CEACAM1: variants seen among roughly 807,000 people sequenced by gnomAD.
CEACAM1 encodes the protein cell adhesion molecule CEACAM1.
CEACAM1 carries 31 observed loss-of-function variants against 49.1 expected under a neutral mutation model. The observed-to-expected ratio is 0.63, with a 90% CI of 0.47 to 0.85. The LOEUF (loss-of-function observed/expected upper bound fraction) is 0.85. CEACAM1 is among the 40% of genes least tolerant of loss of function. CEACAM1 has a pLI of 0.00. For synonymous variants in CEACAM1, 244 were observed against 247.8 expected (o/e 0.98, Z 0.14); for missense variants, 570 against 645.3 (o/e 0.88, Z 1.26).
At chr19:42,516,066 A>G (rs1482911806) in intron 5 of CEACAM1, among the ~76,000 whole-genome samples, 1 of 152,214 alleles carries the variant, frequency 6.6e-6, no homozygotes, top group African/African-American at 2.4e-5. Flanking sequence ...ACCCCCAGCT[A>G]CCATCATAGT....
intron 4 of CEACAM1, chr19:42,519,533 G>A: frequency 3.4e-6 from 1 of 292,460 alleles, no homozygotes; most frequent in Non-Finnish European, 6.4e-6. Flanking sequence ...CACAGACCGA[G>A]CAACCTCATC....
chr19:42,519,570 CT>C (rs34440555), intron 4 of CEACAM1: 4,449 of 168,234 alleles, frequency 0.026, no homozygotes, highest in South Asian at 0.074. Context: ...TTCCCACTGA[CT>C]TTTTTTTTTT....
chr19:42,527,447 A>T (rs898083402), intron 1 of CEACAM1, 47 bp from the exon 2 acceptor site: 1 of 1,538,178 alleles, frequency 6.5e-7, no homozygotes, highest in African/African-American at 1.4e-5. Flanking sequence ...CCTATGCATT[A>T]GGGTAGAAAA....
At chr19:42,523,685 C>G (rs1012998462) in intron 2 of CEACAM1, among the ~76,000 whole-genome samples, 1 of 152,112 alleles carries the variant, frequency 6.6e-6, no homozygotes, top group Non-Finnish European at 1.5e-5. Flanking sequence ...TTTGGTAGAT[C>G]TGGGATATAA....
At position 42,521,920 on chromosome 19, in the gene CEACAM1, T is replaced by C; in HGVS notation, c.703+4A>G. On this transcript the variant is annotated splice_donor_region_variant and intron_variant, in intron 3 of 8. Coordinates refer to ENST00000161559, the MANE Select transcript of CEACAM1 (RefSeq NM_001712.5). ...TGGGCCACAGAGGAACAGAAGATAC[T>C]CACAGGTGACATTCAAGGTGACTGG... 6.2e-7 allele frequency: 1 copy of C among 1,614,210 alleles called. No individual in the cohort carries two copies. The highest frequency in any genetic ancestry group is 8.5e-7 in the Non-Finnish European group (1 of 1,180,036).
Position 42,508,057 on chromosome 19 carries a change from C to G in CEACAM1, c.*1052G>C, listed in dbSNP as rs1366011451. ...AAAAAAAATCTTGAGAGGCTCCTGA[C>G]CAAGGGACCTGAGGGATTTCGGTGG... On this transcript the variant is annotated 3_prime_UTR_variant, in exon 9 of 9. Transcript: ENST00000161559. 6.6e-6 allele frequency: 1 copy of G among 152,116 alleles called. No homozygotes were observed. The highest frequency in any genetic ancestry group is 2.4e-5 in the African/African-American group (1 of 41,422). 9.4% of individuals were successfully genotyped at this position (152,116 alleles called of 1,614,324 possible). A position where few individuals can be genotyped will look rare whatever the true frequency, so the allele number is the denominator to read the frequency against.
chr19:42,528,176 C>G lies in CEACAM1; in HGVS notation c.64+135G>C. On this transcript the variant is annotated intron_variant, in intron 1 of 8. Coordinates refer to ENST00000161559, the MANE Select transcript of CEACAM1 (RefSeq NM_001712.5). ...AGACTTTCCTTTTATGATCTCTATC[C>G]CTTTCATGTCCTCTCTCCTATTTGG... 6.0e-6 allele frequency: 4 copies of G among 661,954 alleles called. No individual in the cohort carries two copies. In the East Asian group the frequency reaches 1.1e-4, roughly 19 times the overall value. The allele number at this position is 661,954 out of a possible 1,614,324, so 41.0% of individuals were successfully genotyped here.
At chr19:42,512,552 C>G in intron 5 of CEACAM1, 73 bp from the exon 6 acceptor site, 1 of 1,410,306 alleles carries the variant, frequency 7.1e-7, no homozygotes. Flanking sequence ...AAACAACTCT[C>G]AGAATGAAGT....
In CEACAM1 at chr19:42,521,955, G is replaced by A. The variant is rs1810382766; in HGVS notation, c.672C>T (p.Asn224=). Residue 224 remains asparagine, a synonymous_variant, in exon 3 of 9, where the codon AAC becomes AAT. Coordinates refer to ENST00000161559, the MANE Select transcript of CEACAM1 (RefSeq NM_001712.5). ...ECEIQNPVSA[N]RSDPVTLNVT... is the part of the protein sequence containing the mutation. ...CATTCAAGGTGACTGGGTCACTGCG[G>A]TTCGCACTCACTGGGTTCTGTATTT... 2 of 1,614,256 alleles carry A rather than the reference G, an allele frequency of 1.2e-6. No individual in the cohort carries two copies. The highest frequency in any genetic ancestry group is 1.1e-5 in the South Asian group (1 of 91,092).
intron 4 of CEACAM1, chr19:42,519,570 C>CTTTT (rs34440555): frequency 1.9e-4 from 32 of 168,626 alleles, no homozygotes; most frequent in South Asian, 1.2e-3. Flanking sequence ...TTCCCACTGA[C>CTTTT]TTTTTTTTTT....
At chr19:42,519,540 C>A in intron 4 of CEACAM1, 2 of 268,946 alleles carry the variant, frequency 7.4e-6, no homozygotes, top group Non-Finnish European at 1.4e-5. Context: ...CGAGCAACCT[C>A]ATCATCAGGT....
chr19:42,522,012 G>A lies in CEACAM1; in HGVS notation c.615C>T (p.Val205=), dbSNP rs2041762346. Residue 205 remains valine, a synonymous_variant, in exon 3 of 9, where the codon GTC becomes GTT. Transcript: ENST00000161559. ...CATAGGGTCCTGTGTCATTCCTTGT[G>A]ACACTGAGTAGAGTGAGGGTCCTGT... ...NGNRTLTLLS[V]TRNDTGPYEC... 1.2e-6 allele frequency: 2 copies of A among 1,614,236 alleles called. No individual in the cohort carries two copies. Among genetic ancestry groups the A allele is most frequent in the South Asian group, 1.1e-5 (1 of 91,090 alleles).
Position 42,508,483 on chromosome 19 carries a change from C to T in CEACAM1, c.*626G>A, listed in dbSNP as rs771826844. On this transcript the variant is annotated 3_prime_UTR_variant, in exon 9 of 9. Transcript: ENST00000161559. ...AGTGGGTTCTCTGAAGACAGGCTTG[C>T]CAGAAGGATTAGGTGGTATTCTAGC... The T allele has an allele frequency of 6.6e-6, 1 of 152,478 alleles. No individual in the cohort carries two copies. Among genetic ancestry groups the T allele is most frequent in the Non-Finnish European group, 1.5e-5 (1 of 68,168 alleles). 9.4% of individuals were successfully genotyped at this position (152,478 alleles called of 1,614,324 possible).
intron 4 of CEACAM1, chr19:42,519,486 T>C: frequency 2.1e-6 from 1 of 467,968 alleles, no homozygotes; most frequent in Non-Finnish European, 3.8e-6. Flanking sequence ...ACCCTCTGGA[T>C]ATCTCTATAT....
rs772844107 is a variant in CEACAM1, at chr19:42,518,972, C to T, written c.1222G>A (p.Asp408Asn). ...CAGTTTACGTTCAGCATGATGGGGT[C>T]GCTTTGGTTCTTACTGATTGGGTTG... Reference protein sequence around the residue: ...VFNPISKNQSDPIMLNVNYNA... With the variant: ...VFNPISKNQSNPIMLNVNYNA... The change falls in exon 5 of 9, where the codon GAC (aspartate) becomes AAC (asparagine). Residue 408 changes from aspartate (D) to asparagine (N), a missense_variant. Asp to Asn is a conservative substitution (Grantham distance 23). Coordinates refer to ENST00000161559, the MANE Select transcript of CEACAM1 (RefSeq NM_001712.5). The T allele has an allele frequency of 6.2e-6, 10 of 1,613,994 alleles. No homozygotes were observed. The highest frequency in any genetic ancestry group is 1.7e-5 in the Admixed American group (1 of 59,992).
In CEACAM1 at chr19:42,524,852, C is replaced by A. The variant is rs2041850203; in HGVS notation, c.424+2189G>T. Among the ~76,000 whole-genome samples, 3 of 152,092 alleles carry A rather than the reference C, an allele frequency of 2.0e-5. No homozygotes were observed. The South Asian group carries it at 6.2e-4, about 31-fold the overall frequency. On this transcript the variant is annotated intron_variant, in intron 2 of 8. Coordinates refer to ENST00000161559, the MANE Select transcript of CEACAM1 (RefSeq NM_001712.5). Reference sequence around the variant, plus strand: ...AGACCAGGGAGCCCTGAAAACCTTCCCACAGCCGAGCAGCCCCAGAGTCAC... The same window carrying A: ...AGACCAGGGAGCCCTGAAAACCTTCACACAGCCGAGCAGCCCCAGAGTCAC...
intron 5 of CEACAM1, among the ~76,000 whole-genome samples, chr19:42,514,789 G>A (rs534433150): frequency 1.3e-5 from 2 of 152,290 alleles, no homozygotes; most frequent in South Asian, 2.1e-4. Flanking sequence ...AAAAATGGAA[G>A]CTTAGAGTGG....
chr19:42,509,180 T>C lies in CEACAM1; in HGVS notation c.1510A>G (p.Thr504Ala). 1.9e-6 allele frequency: 3 copies of C among 1,613,958 alleles called. No individual in the cohort carries two copies. Among genetic ancestry groups the C allele is most frequent in the Non-Finnish European group, 1.7e-6 (2 of 1,179,902 alleles). The change falls in exon 9 of 9, where the codon ACA becomes GCA. Residue 504 changes from threonine to alanine, a missense_variant. Coordinates refer to ENST00000161559, the MANE Select transcript of CEACAM1 (RefSeq NM_001712.5). The stretch of plus-strand genomic sequence containing the variant: ...GATGGGGAGGCTGAAGTTGGTTGTG[T>C]GGGTTGCTGGGCTTCAAAGTTCAGG... ...STLNFEAQQP[T>A]QPTSASPSLT... is the part of the protein sequence containing the mutation.
Position 42,508,876 on chromosome 19 carries a change from A to C in CEACAM1, c.*233T>G. ...CTCTTTCCCAAAGTCAGCTTTGCCA[A>C]ATTTCAATGACAAGAAGGTTGGGTT... On this transcript the variant is annotated 3_prime_UTR_variant, in exon 9 of 9. Coordinates refer to ENST00000161559, the MANE Select transcript of CEACAM1 (RefSeq NM_001712.5). 4.3e-6 allele frequency: 2 copies of C among 460,944 alleles called. No homozygotes were observed. Among genetic ancestry groups the C allele is most frequent in the Non-Finnish European group, 7.7e-6 (2 of 258,536 alleles). The allele number at this position is 460,944 out of a possible 1,614,324, so 28.6% of individuals were successfully genotyped here.
Sources: gnomAD v4.1 joint callset for allele counts (sites outside exome capture counted in the v4.1 genomes callset) on GRCh38, gnomAD v4.1.1 for gene constraint, MANE v1.5 for transcripts, NCBI Gene and HGNC (gene_info 2026-07-23, HGNC 2026-07-21) for gene names.